SUMF1: variants seen among roughly 807,000 people sequenced by gnomAD.
The protein encoded by SUMF1 is formylglycine-generating enzyme.
A neutral mutation model predicts 47.6 loss-of-function variants in SUMF1; 48 were observed. That is an observed-to-expected ratio of 1.01 (90% CI 0.80 to 1.28). The LOEUF is 1.28. Ranked by LOEUF, SUMF1 falls within the 50% of genes most tolerant of loss-of-function variation. SUMF1 has a pLI of 0.00. For missense variants in SUMF1, 571 were observed against 485.4 expected, an observed-to-expected ratio of 1.18 and a Z score of -1.66; for synonymous variants, 230 against 192.1, an observed-to-expected ratio of 1.20 and a Z score of -1.63.
chr3:4,416,452 T>G (rs1194303899), intron 6 of SUMF1, among the ~76,000 whole-genome samples: 1 of 152,184 alleles, frequency 6.6e-6, no homozygotes, highest in Non-Finnish European at 1.5e-5. Flanking sequence ...AATAGTAGGA[T>G]TTTAAATACT....
At chr3:4,185,392 C>G (rs1256933749) in intron 8 of SUMF1, among the ~76,000 whole-genome samples, 3 of 152,126 alleles carry the variant, frequency 2.0e-5, no homozygotes, top group African/African-American at 7.2e-5. Context: ...TTTTTTGAAT[C>G]TAACAACTAA....
At chr3:4,435,626 T>G (rs904127645) in intron 3 of SUMF1, among the ~76,000 whole-genome samples, 5 of 152,192 alleles carry the variant, frequency 3.3e-5, no homozygotes. Flanking sequence ...ATAAAAAATT[T>G]TTTAAACTTG....
intron 8 of SUMF1, among the ~76,000 whole-genome samples, chr3:4,254,138 G>A (rs1424588312): frequency 6.6e-6 from 1 of 151,534 alleles, no homozygotes; most frequent in Admixed American, 6.6e-5. Context: ...AAGACCAAAA[G>A]CAAAAAAAAC....
At chr3:4,153,945 A>C (rs1191244859) in intron 8 of SUMF1, among the ~76,000 whole-genome samples, 1 of 151,690 alleles carries the variant, frequency 6.6e-6, no homozygotes, top group Non-Finnish European at 1.5e-5. Flanking sequence ...CTAAGGCATC[A>C]GATCTGTTTG....
At chr3:4,138,414 T>C (rs563110845) in intron 8 of SUMF1, among the ~76,000 whole-genome samples, 153 of 152,272 alleles carry the variant, frequency 1.0e-3, no homozygotes, top group African/African-American at 3.6e-3. Flanking sequence ...CTGTGATTTA[T>C]GATGGGGGCT....
chr3:4,052,401 G>GTA (rs1559429242), intron 9 of SUMF1, among the ~76,000 whole-genome samples: 1 of 152,118 alleles, frequency 6.6e-6, no homozygotes, highest in Non-Finnish European at 1.5e-5. Flanking sequence ...GTATTTATCT[G>GTA]CCCCTTCCTA....
At chr3:4,263,528 G>A (rs114669168) in intron 8 of SUMF1, among the ~76,000 whole-genome samples, 2,223 of 152,058 alleles carry the variant, frequency 0.015, 23 homozygotes, top group Middle Eastern at 0.024. Context: ...CTAGTATACC[G>A]AACCAAGAAT....
intron 8 of SUMF1, among the ~76,000 whole-genome samples, chr3:4,156,279 T>A (rs1694450049): frequency 6.6e-6 from 1 of 151,498 alleles, no homozygotes; most frequent in African/African-American, 2.4e-5. Flanking sequence ...ACAACTTTTA[T>A]AAACTGGAAT....
intron 8 of SUMF1, among the ~76,000 whole-genome samples, chr3:4,284,632 C>CT (rs1174719881): frequency 6.6e-6 from 1 of 151,900 alleles, no homozygotes; most frequent in African/African-American, 2.4e-5. Flanking sequence ...GTGATATTTT[C>CT]TTGCCACCAA....
intron 8 of SUMF1, among the ~76,000 whole-genome samples, chr3:4,244,402 T>C (rs1390693131): frequency 1.3e-5 from 2 of 152,226 alleles, no homozygotes; most frequent in African/African-American, 4.8e-5. Flanking sequence ...GTATCAGTTG[T>C]TCCTTCCCAT....
intron 8 of SUMF1, among the ~76,000 whole-genome samples, chr3:4,296,531 T>C (rs900604178): frequency 1.4e-4 from 21 of 152,142 alleles, no homozygotes; most frequent in African/African-American, 5.1e-4. Flanking sequence ...AAGGTACATC[T>C]TACCTGGCAG....
At chr3:4,224,447 A>G (rs1696132107) in intron 8 of SUMF1, among the ~76,000 whole-genome samples, 1 of 152,000 alleles carries the variant, frequency 6.6e-6, no homozygotes, top group Non-Finnish European at 1.5e-5. Flanking sequence ...TATTTTTATA[A>G]CAAACCCTGC....
At chr3:4,456,740 ACACACATATATACG>A (rs2079629751) in intron 1 of SUMF1, among the ~76,000 whole-genome samples, 3 of 81,146 alleles carry the variant, frequency 3.7e-5, no homozygotes, top group African/African-American at 1.2e-4. Context: ...GTGTATATAT[ACACACATATATACG>A]TGTGTGTGTA....
intron 8 of SUMF1, among the ~76,000 whole-genome samples, chr3:4,204,409 CTT>C (rs1353460398): frequency 2.6e-5 from 4 of 152,052 alleles, no homozygotes; most frequent in Admixed American, 2.6e-4. Context: ...AGGATCCATT[CTT>C]TATTCTTAAC....
chr3:4,371,137 C>A (rs2125206127), intron 8 of SUMF1, among the ~76,000 whole-genome samples: 1 of 152,212 alleles, frequency 6.6e-6, no homozygotes, highest in East Asian at 1.9e-4. Context: ...AGGTAAATGG[C>A]CTCATTATAA....
chr3:4,421,972 T>A (rs1701914525), intron 3 of SUMF1, among the ~76,000 whole-genome samples: 1 of 152,242 alleles, frequency 6.6e-6, no homozygotes, highest in African/African-American at 2.4e-5. Flanking sequence ...TTGTTCATTC[T>A]CTTTTCACAT....
chr3:4,404,482 G>A (rs1701312541), intron 7 of SUMF1, among the ~76,000 whole-genome samples: 1 of 152,016 alleles, frequency 6.6e-6, no homozygotes, highest in African/African-American at 2.4e-5. Context: ...AGTGGGCCAG[G>A]TGCAGTGGCT....
intron 9 of SUMF1, among the ~76,000 whole-genome samples, chr3:4,045,260 A>C (rs936149360): frequency 4.6e-5 from 7 of 152,190 alleles, no homozygotes; most frequent in Middle Eastern, 3.4e-3. Context: ...CTGTGTCTTC[A>C]GATCATGCCA....
chr3:4,211,116 A>ATATATATATATATATATATC (rs1695774081), intron 8 of SUMF1, among the ~76,000 whole-genome samples: 1 of 135,532 alleles, frequency 7.4e-6, no homozygotes, highest in Non-Finnish European at 1.6e-5. Context: ...ATATATATAT[A>ATATATATATATATATATATC]TATATACACA....
Sources: gnomAD v4.1 joint callset for allele counts (sites outside exome capture counted in the v4.1 genomes callset) on GRCh38, gnomAD v4.1.1 for gene constraint, MANE v1.5 for transcripts, NCBI Gene and HGNC (gene_info 2026-07-23, HGNC 2026-07-21) for gene names.